ATRNL1: variants seen among roughly 807,000 people sequenced by gnomAD.
ATRNL1 encodes the protein attractin-like protein 1.
In ATRNL1, 95 loss-of-function variants were observed where a neutral mutation model predicts 182.7. The observed-to-expected ratio is 0.52, with a 90% confidence interval of 0.44 to 0.62. The LOEUF is 0.62. Among genes scored for constraint, ATRNL1 ranks in the 20% least tolerant of loss-of-function variants. The pLI is 0.00. For synonymous variants in ATRNL1, 576 were observed against 568.3 expected (o/e 1.01, Z -0.19); for missense variants, 1,471 against 1,679.5 (o/e 0.88, Z 2.17).
intron 28 of ATRNL1, among the ~76,000 whole-genome samples, chr10:115,854,159 AAAG>A (rs1951122619): frequency 6.6e-6 from 1 of 152,246 alleles, no homozygotes; most frequent in South Asian, 2.1e-4. Context: ...TGCTATGAAC[AAAG>A]AATAGAGAGA....
intron 10 of ATRNL1, among the ~76,000 whole-genome samples, chr10:115,264,357 C>G (rs1349551358): frequency 1.3e-5 from 2 of 151,372 alleles, no homozygotes; most frequent in Non-Finnish European, 3.0e-5. Flanking sequence ...TTTCTTGTTC[C>G]ATAAAGGCTT....
chr10:115,946,904 T>C lies in ATRNL1; in HGVS notation c.*2125T>C, dbSNP rs1953888278. ...TACAGATTTAGATGTAAAATCTATA[T>C]AAGCTATATTTTTAGGGAGGCTAAG... On this transcript the variant is annotated 3_prime_UTR_variant, in exon 29 of 29. Coordinates refer to ENST00000355044, the MANE Select transcript of ATRNL1 (RefSeq NM_207303.4). 1 of 152,194 alleles carries C rather than the reference T, an allele frequency of 6.6e-6. No individual in the cohort carries two copies. Among genetic ancestry groups the C allele is most frequent in the Non-Finnish European group, 1.5e-5 (1 of 68,032 alleles). The allele number at this position is 152,194 out of a possible 1,614,324, so 9.4% of individuals were successfully genotyped here.
At chr10:115,483,153 G>T (rs1370688042) in intron 24 of ATRNL1, among the ~76,000 whole-genome samples, 1 of 151,204 alleles carries the variant, frequency 6.6e-6, no homozygotes, top group African/African-American at 2.4e-5. Context: ...ATTGCATGTT[G>T]ATCTCCTATG....
intron 9 of ATRNL1, among the ~76,000 whole-genome samples, chr10:115,221,824 G>C (rs1849478685): frequency 6.6e-6 from 1 of 152,068 alleles, no homozygotes; most frequent in South Asian, 2.1e-4. Flanking sequence ...TCTTTTATTA[G>C]ATTATGGTGA....
intron 19 of ATRNL1, among the ~76,000 whole-genome samples, chr10:115,337,505 T>C (rs1269975901): frequency 6.6e-6 from 1 of 152,150 alleles, no homozygotes; most frequent in African/African-American, 2.4e-5. Context: ...ACTATTGTTT[T>C]TGTACCCATT....
intron 21 of ATRNL1, among the ~76,000 whole-genome samples, chr10:115,447,639 A>C (rs1847068869): frequency 6.6e-6 from 1 of 151,950 alleles, no homozygotes; most frequent in Non-Finnish European, 1.5e-5. Context: ...GTTATGTAGA[A>C]TATTTCTACA....
At chr10:115,917,450 A>G (rs1952897639) in intron 28 of ATRNL1, among the ~76,000 whole-genome samples, 1 of 141,132 alleles carries the variant, frequency 7.1e-6, no homozygotes, top group African/African-American at 2.6e-5. Flanking sequence ...AGCCTGGGCA[A>G]CAGAGCAAGA....
At chr10:115,757,967 G>A (rs538239423) in intron 27 of ATRNL1, among the ~76,000 whole-genome samples, 1 of 151,572 alleles carries the variant, frequency 6.6e-6, no homozygotes, top group Non-Finnish European at 1.5e-5. Context: ...TGATACTTGT[G>A]TATGCTTCAC....
intron 28 of ATRNL1, among the ~76,000 whole-genome samples, chr10:115,915,444 T>TGTCA (rs1952821302): frequency 6.6e-6 from 1 of 152,044 alleles, no homozygotes; most frequent in Admixed American, 6.6e-5. Context: ...AGCCAAGTGC[T>TGTCA]AAGGATATAA....
intron 27 of ATRNL1, among the ~76,000 whole-genome samples, chr10:115,831,395 A>G (rs943349837): frequency 3.3e-5 from 5 of 152,072 alleles, no homozygotes; most frequent in African/African-American, 4.8e-5. Context: ...ACTTTTTTTT[A>G]ACAGATTTTA....
At chr10:115,548,821 T>C (rs61391796) in intron 25 of ATRNL1, among the ~76,000 whole-genome samples, 4,209 of 152,228 alleles carry the variant, frequency 0.028, 224 homozygotes, top group African/African-American at 0.097. Context: ...TCCTTTGCTG[T>C]TGGGGACAGT....
intron 19 of ATRNL1, among the ~76,000 whole-genome samples, chr10:115,365,532 C>T (rs1286476002): frequency 6.6e-6 from 1 of 152,090 alleles, no homozygotes; most frequent in Non-Finnish European, 1.5e-5. Context: ...CAATTCTGCT[C>T]TGATTTTAGT....
intron 27 of ATRNL1, among the ~76,000 whole-genome samples, chr10:115,803,263 T>C (rs1478331431): frequency 8.9e-6 from 1 of 111,908 alleles, no homozygotes; most frequent in African/African-American, 2.7e-5. Flanking sequence ...ATTATTTTGG[T>C]TCAAATCCTC....
chr10:115,258,796 T>A (rs1157021849), intron 10 of ATRNL1, among the ~76,000 whole-genome samples: 1 of 152,202 alleles, frequency 6.6e-6, no homozygotes, highest in Non-Finnish European at 1.5e-5. Flanking sequence ...ACAGATGGGG[T>A]TTTGGTCTAG....
chr10:115,903,402 G>C (rs1321602029), intron 28 of ATRNL1, among the ~76,000 whole-genome samples: 6 of 152,070 alleles, frequency 3.9e-5, no homozygotes, highest in African/African-American at 7.2e-5. Context: ...TTTGCCTCCA[G>C]TCTCTCCCTC....
intron 24 of ATRNL1, among the ~76,000 whole-genome samples, chr10:115,516,204 A>T (rs891657132): frequency 6.6e-6 from 1 of 151,852 alleles, no homozygotes; most frequent in Non-Finnish European, 1.5e-5. Context: ...TTCTCCCTTG[A>T]TCCTCATGGC....
At chr10:115,536,424 G>A (rs1453714088) in intron 25 of ATRNL1, among the ~76,000 whole-genome samples, 1 of 152,200 alleles carries the variant, frequency 6.6e-6, no homozygotes, top group Non-Finnish European at 1.5e-5. Context: ...CCAGGTGTGG[G>A]ATATAATCTC....
chr10:115,743,994 A>C (rs1555068482), intron 27 of ATRNL1, among the ~76,000 whole-genome samples: 1 of 13,478 alleles, frequency 7.4e-5, no homozygotes, highest in Non-Finnish European at 0.014. Flanking sequence ...TATGTATTCA[A>C]CATGAATAAA....
chr10:115,530,773 C>G (rs1385127346), intron 25 of ATRNL1, among the ~76,000 whole-genome samples: 1 of 104,504 alleles, frequency 9.6e-6, no homozygotes, highest in Non-Finnish European at 1.8e-5. Flanking sequence ...TGCTATCCCT[C>G]CCCCCTCCCC....
Sources: allele counts gnomAD v4.1 joint callset (sites outside exome capture counted in the v4.1 genomes callset), GRCh38; gene constraint gnomAD v4.1.1; transcripts MANE v1.5; gene names NCBI Gene and HGNC (gene_info 2026-07-23, HGNC 2026-07-21).